RASSF9: variants seen among roughly 807,000 people sequenced by gnomAD.
RASSF9 encodes Ras association domain family member 9, also known as ras association domain-containing protein 9.
In RASSF9, 18 loss-of-function variants were observed where a neutral mutation model predicts 21.4. That is an observed-to-expected ratio of 0.84 (90% CI 0.58 to 1.25). The LOEUF is 1.25. Among genes scored for constraint, RASSF9 ranks in the 50% most tolerant of loss-of-function variants. RASSF9 has a pLI of 0.00. For missense variants in RASSF9, 480 were observed against 503.2 expected, an observed-to-expected ratio of 0.95 and a Z score of 0.44; for synonymous variants, 183 against 179.1, an observed-to-expected ratio of 1.02 and a Z score of -0.18.
Position 85,805,902 on chromosome 12 carries a change from T to G in RASSF9, c.108A>C (p.Glu36Asp). 1.2e-6 allele frequency: 2 copies of G among 1,613,880 alleles called. No homozygotes were observed. Among genetic ancestry groups the G allele is most frequent in the South Asian group, 2.2e-5 (2 of 91,076 alleles). ...EKEIVVWVCQ[E>D]EKLVCGLTKR... is the part of the protein sequence containing the mutation. ...TAGTCAGCCCACAGACAAGCTTCTCTTCTTGGCAAACCCAAACCACAATTT... is the reference window on the plus strand; with the variant it reads ...TAGTCAGCCCACAGACAAGCTTCTCGTCTTGGCAAACCCAAACCACAATTT... The change falls in exon 2 of 2, where the codon GAA (glutamate) becomes GAC (aspartate). Residue 36 changes from glutamate (E) to aspartate (D), a missense_variant. Transcript: ENST00000361228.
At chr12:85,822,993 G>A (rs926320769) in intron 1 of RASSF9, among the ~76,000 whole-genome samples, 9 of 152,102 alleles carry the variant, frequency 5.9e-5, no homozygotes, top group African/African-American at 1.7e-4. Flanking sequence ...GAGGTCAGGA[G>A]ATCGAGACCA....
intron 1 of RASSF9, among the ~76,000 whole-genome samples, chr12:85,807,680 T>C (rs142528719): frequency 6.6e-6 from 1 of 152,132 alleles, no homozygotes; most frequent in East Asian, 1.9e-4. Flanking sequence ...TAAATATACA[T>C]GTATATATGG....
intron 1 of RASSF9, among the ~76,000 whole-genome samples, chr12:85,821,363 T>C (rs1433923622): frequency 2.0e-5 from 3 of 152,138 alleles, no homozygotes; most frequent in Non-Finnish European, 4.4e-5. Context: ...TTTTGGATCA[T>C]AGAGCTGCAA....
rs946548347 is a variant in RASSF9 at position 85,802,098 on chromosome 12, A to C, written c.*2604T>G. 1 of 152,230 alleles carries C rather than the reference A, an allele frequency of 6.6e-6. No individual in the cohort carries two copies. The highest frequency in any genetic ancestry group is 1.9e-4 in the East Asian group (1 of 5,180). 9.4% of individuals were successfully genotyped at this position (152,230 alleles called of 1,614,324 possible). On this transcript the variant is annotated 3_prime_UTR_variant, in exon 2 of 2. Transcript: ENST00000361228. ...CAAGGATGAATCTAGGTCCTGTTAC[A>C]GAAATTAAGAATAGTCAGCTTTGGT...
chr12:85,812,792 C>T (rs551119823), intron 1 of RASSF9, among the ~76,000 whole-genome samples: 5 of 151,526 alleles, frequency 3.3e-5, no homozygotes, highest in Non-Finnish European at 5.9e-5. Flanking sequence ...TATTCTTATT[C>T]AGTAATCTTA....
chr12:85,831,828 G>A lies in RASSF9; in HGVS notation c.47+4327C>T, dbSNP rs767736585. 1.1e-3 allele frequency among the ~76,000 whole-genome samples: 172 copies of A among 151,946 alleles called. No individual in the cohort carries two copies. The Middle Eastern group carries it at 0.027, about 24-fold the overall frequency. On this transcript the variant is annotated intron_variant, in intron 1 of 1. Transcript: ENST00000361228. ...ACCACAAAATTTAATTCTTTCTTCC[G>A]ATGAAGCAATCATTGAATGATTTAC...
Position 85,818,409 on chromosome 12 carries a change from T to C in RASSF9, c.48-12447A>G, listed in dbSNP as rs141544764. ...GTCAGACCACTGATGAACTCTCTAG[T>C]AAATCCAATATAATAATCAATATGT... On this transcript the variant is annotated intron_variant, in intron 1 of 1. Coordinates refer to ENST00000361228, the MANE Select transcript of RASSF9 (RefSeq NM_005447.4). Among the ~76,000 whole-genome samples, 587 of 152,312 alleles carry C rather than the reference T, an allele frequency of 3.9e-3. 3 individuals are homozygous for C. The highest frequency in any genetic ancestry group is 0.014 in the African/African-American group (566 of 41,574).
chr12:85,820,046 G>T (rs1342782667), intron 1 of RASSF9, among the ~76,000 whole-genome samples: 1 of 152,184 alleles, frequency 6.6e-6, no homozygotes. Context: ...CTACCACAGT[G>T]TTGGCAAACT....
chr12:85,805,986 T>C, intron 1 of RASSF9, 24 bp from the exon 2 acceptor site: 1 of 1,582,308 alleles, frequency 6.3e-7, no homozygotes, highest in Non-Finnish European at 8.6e-7. Flanking sequence ...AAAAGCACAT[T>C]ATATTTCTGT....
intron 1 of RASSF9, among the ~76,000 whole-genome samples, chr12:85,820,145 A>C (rs1168890073): frequency 2.6e-5 from 4 of 152,226 alleles, no homozygotes; most frequent in Admixed American, 6.5e-5. Context: ...TGTTTTTAAA[A>C]ATTAAAAGGA....
rs1879810382 is a variant in RASSF9 at position 85,805,618 on chromosome 12, G to T, written c.392C>A (p.Ala131Asp). Residue 131 changes from alanine (A) to aspartate (D), a missense_variant, in exon 2 of 2, where the codon GCC (alanine) becomes GAC (aspartate). Transcript: ENST00000361228. ...LPVPLWRTAE[A>D]KLVQNTEKLW... ...TTTTTCTGTGTTTTGCACTAATTTG[G>T]CTTCAGCTGTCCGCCACAAAGGAAC... 6.2e-7 allele frequency: 1 copy of T among 1,613,926 alleles called. No homozygotes were observed. The highest frequency in any genetic ancestry group is 8.5e-7 in the Non-Finnish European group (1 of 1,179,886).
chr12:85,805,657 T>C lies in RASSF9; in HGVS notation c.353A>G (p.Asp118Gly), dbSNP rs1879811876. Residue 118 changes from aspartate (D) to glycine (G), a missense_variant, in exon 2 of 2, where the codon GAT becomes GGT. Physicochemically the swap from Asp to Gly is moderately conservative, Grantham distance 94. Coordinates refer to ENST00000361228, the MANE Select transcript of RASSF9 (RefSeq NM_005447.4). The part of the protein sequence containing the change: ...PNMQFVLVKA[D>G]AFLPVPLWRT... ...CCACAAAGGAACTGGAAGAAAAGCA[T>C]CTGCTTTAACCAAAACAAATTGCAT... is the stretch of plus-strand genomic sequence containing the variant. The C allele has an allele frequency of 1.2e-6, 2 of 1,614,014 alleles. No individual in the cohort carries two copies. The highest frequency in any genetic ancestry group is 8.5e-7 in the Non-Finnish European group (1 of 1,179,898).
intron 1 of RASSF9, among the ~76,000 whole-genome samples, chr12:85,821,015 G>A (rs1880197190): frequency 1.3e-5 from 2 of 151,954 alleles, no homozygotes; most frequent in African/African-American, 2.4e-5. Context: ...GTAGTGGCAC[G>A]GGCCTATAGT....
chr12:85,816,006 A>C (rs892616346), intron 1 of RASSF9, among the ~76,000 whole-genome samples: 1 of 152,144 alleles, frequency 6.6e-6, no homozygotes, highest in African/African-American at 2.4e-5. Context: ...ATGTCCTTAC[A>C]AGGATATGAA....
intron 1 of RASSF9, among the ~76,000 whole-genome samples, chr12:85,816,522 ATCAGTACACTTATAATAATATAATCCT>A (rs1880069414): frequency 6.6e-6 from 1 of 152,156 alleles, no homozygotes; most frequent in South Asian, 2.1e-4. Context: ...TCAGTTAAAT[ATCAGTACACTTATAATAATATAATCCT>A]CAGTAGATGG....
intron 1 of RASSF9, among the ~76,000 whole-genome samples, chr12:85,831,267 C>T (rs1880443635): frequency 6.6e-6 from 1 of 152,018 alleles, no homozygotes; most frequent in African/African-American, 2.4e-5. Context: ...TCAAAACTTC[C>T]TGAGTTATAC....
chr12:85,814,861 A>G (rs1880026523), intron 1 of RASSF9, among the ~76,000 whole-genome samples: 1 of 152,014 alleles, frequency 6.6e-6, no homozygotes, highest in African/African-American at 2.4e-5. Context: ...TATGGCCACT[A>G]TATATGGGAA....
intron 1 of RASSF9, 124 bp from the exon 2 acceptor site, chr12:85,806,086 G>T: frequency 9.3e-7 from 1 of 1,072,478 alleles, no homozygotes; most frequent in Non-Finnish European, 1.3e-6. Flanking sequence ...TTTTTCTGTC[G>T]CCCAGGCTGG....
intron 1 of RASSF9, among the ~76,000 whole-genome samples, chr12:85,834,359 CT>C (rs1880515263): frequency 6.6e-6 from 1 of 152,026 alleles, no homozygotes; most frequent in Non-Finnish European, 1.5e-5. Flanking sequence ...ATTAAACTCT[CT>C]TTTTTATTTT....
Sources: gnomAD v4.1 joint callset for allele counts (sites outside exome capture counted in the v4.1 genomes callset) on GRCh38, gnomAD v4.1.1 for gene constraint, MANE v1.5 for transcripts, NCBI Gene and HGNC (gene_info 2026-07-23, HGNC 2026-07-21) for gene names.